KIAA0319L: variants seen among roughly 807,000 people sequenced by gnomAD.
The protein encoded by KIAA0319L is KIAA0319 like.
A neutral mutation model predicts 120.1 loss-of-function variants in KIAA0319L; 55 were observed. That is an observed-to-expected ratio of 0.46 (90% confidence interval 0.37 to 0.57). The LOEUF (loss-of-function observed/expected upper bound fraction) is 0.57. Among genes scored for constraint, KIAA0319L ranks in the 20% least tolerant of loss-of-function variants. KIAA0319L has a pLI of 0.00. For synonymous variants in KIAA0319L, 398 were observed against 471.9 expected (o/e 0.84, Z 2.03); for missense variants, 1,049 against 1,255.3 (o/e 0.84, Z 2.48).
rs145819547 is a variant in KIAA0319L, at chr1:35,497,221, T to C, written c.666+9391A>G. On this transcript the variant is annotated intron_variant, in intron 3 of 20. Coordinates refer to ENST00000325722, the MANE Select transcript of KIAA0319L (RefSeq NM_024874.5). Reference sequence around the variant, plus strand: ...GGGTGATAGAAATGTTATCAAACTGTACGGCAGGAAAAAGACAAAAAAAAA... The same window carrying C: ...GGGTGATAGAAATGTTATCAAACTGCACGGCAGGAAAAAGACAAAAAAAAA... Among the ~76,000 whole-genome samples, 357 of 149,844 alleles carry C rather than the reference T, an allele frequency of 2.4e-3. 3 individuals carry two copies. Among genetic ancestry groups the C allele is most frequent in the Non-Finnish European group, 1.3e-3 (89 of 67,786 alleles).
At chr1:35,511,024 C>T (rs1257184395) in intron 2 of KIAA0319L, 1 of 152,104 alleles carries the variant, frequency 6.6e-6, no homozygotes, top group East Asian at 1.9e-4. Context: ...GTAATAAATA[C>T]AGAAAAGCCT....
chr1:35,469,987 G>A (rs535803555), intron 6 of KIAA0319L, among the ~76,000 whole-genome samples: 24 of 151,782 alleles, frequency 1.6e-4, no homozygotes, highest in Admixed American at 9.2e-4. Context: ...TCCCACCTCC[G>A]CCTCCTGACC....
intron 2 of KIAA0319L, among the ~76,000 whole-genome samples, chr1:35,552,925 T>A (rs960374798): frequency 1.8e-4 from 27 of 151,780 alleles, no homozygotes; most frequent in Non-Finnish European, 3.5e-4. Flanking sequence ...ATAAAAAGGA[T>A]AAAATATAAA....
At chr1:35,479,548 C>T (rs1198611380) in intron 3 of KIAA0319L, among the ~76,000 whole-genome samples, 1 of 152,050 alleles carries the variant, frequency 6.6e-6, no homozygotes, top group Admixed American at 6.6e-5. Flanking sequence ...ACAAAATAGC[C>T]CTTGTGGATC....
chr1:35,481,740 A>C (rs1349895724), intron 3 of KIAA0319L, among the ~76,000 whole-genome samples: 1 of 149,916 alleles, frequency 6.7e-6, no homozygotes, highest in Non-Finnish European at 1.5e-5. Flanking sequence ...ATGCATATCC[A>C]TCACTTCCAA....
chr1:35,451,646 T>G lies in KIAA0319L; in HGVS notation c.2044A>C (p.Asn682His), dbSNP rs541700984. 4.3e-6 allele frequency: 7 copies of G among 1,614,110 alleles called. No homozygotes were observed. The African/African-American group carries it at 9.3e-5, about 22-fold the overall frequency. ...GAGGTACCTTCTTTGACAATGACATTCACAGAGCTCTGGCTTTGCAGGTTC... is the reference window on the plus strand; with the variant it reads ...GAGGTACCTTCTTTGACAATGACATGCACAGAGCTCTGGCTTTGCAGGTTC... ...ERNLQSQSSV[N>H]VIVKEEINKP... The change falls in exon 13 of 21, where the codon AAT (asparagine) becomes CAT (histidine). Residue 682 changes from asparagine (N) to histidine (H), a missense_variant. Coordinates refer to ENST00000325722, the MANE Select transcript of KIAA0319L (RefSeq NM_024874.5).
chr1:35,496,434 TA>T (rs1363560460), intron 3 of KIAA0319L, among the ~76,000 whole-genome samples: 1 of 151,874 alleles, frequency 6.6e-6, no homozygotes, highest in Non-Finnish European at 1.5e-5. Flanking sequence ...AAATAAAAAA[TA>T]AAATAAAACA....
intron 2 of KIAA0319L, among the ~76,000 whole-genome samples, chr1:35,544,974 C>T (rs532967424): frequency 6.6e-6 from 1 of 152,082 alleles, no homozygotes; most frequent in South Asian, 2.1e-4. Flanking sequence ...GGAACCCAAA[C>T]AGAACACATG....
chr1:35,551,996 A>C (rs1371619222), intron 2 of KIAA0319L, among the ~76,000 whole-genome samples: 1 of 151,910 alleles, frequency 6.6e-6, no homozygotes, highest in Non-Finnish European at 1.5e-5. Context: ...TTCATCCTCT[A>C]TACTTTGAAT....
chr1:35,484,897 T>C (rs1311269810), intron 3 of KIAA0319L, among the ~76,000 whole-genome samples: 1 of 148,578 alleles, frequency 6.7e-6, no homozygotes, highest in African/African-American at 2.5e-5. Flanking sequence ...GCTGGTGCGC[T>C]GCACCCACTA....
Position 35,531,752 on chromosome 1 carries a change from A to G in KIAA0319L, c.142+22598T>C, listed in dbSNP as rs1379519433. Among the ~76,000 whole-genome samples the G allele has an allele frequency of 3.3e-5, 5 of 152,162 alleles. 1 individual carries two copies. The East Asian group carries it at 9.6e-4, about 29-fold the overall frequency. ...TATCCACCTCGCTTCCCTCTCCCTC[A>G]GTGCCTCATGTGTTTTCTGTCACTT... On this transcript the variant is annotated intron_variant, in intron 2 of 20. Coordinates refer to ENST00000325722, the MANE Select transcript of KIAA0319L (RefSeq NM_024874.5).
intron 4 of KIAA0319L, 27 bp from the exon 5 acceptor site, chr1:35,474,933 A>G (rs762041238): frequency 2.4e-6 from 3 of 1,242,658 alleles, no homozygotes; most frequent in Admixed American, 1.7e-5. Context: ...TATACCAGAG[A>G]TAAGAAATAG....
chr1:35,527,896 A>C (rs1325400778), intron 2 of KIAA0319L, among the ~76,000 whole-genome samples: 1 of 122,890 alleles, frequency 8.1e-6, no homozygotes, highest in Non-Finnish European at 1.7e-5. Context: ...GATCTTCATT[A>C]TTTCCTTCCT....
chr1:35,457,257 G>T (rs1642539936), intron 9 of KIAA0319L, among the ~76,000 whole-genome samples: 1 of 152,062 alleles, frequency 6.6e-6, no homozygotes, highest in Non-Finnish European at 1.5e-5. Flanking sequence ...TTAAGAAGAG[G>T]TAATTCTTAG....
chr1:35,508,315 A>G (rs377548084), intron 2 of KIAA0319L, among the ~76,000 whole-genome samples: 10 of 152,242 alleles, frequency 6.6e-5, no homozygotes, highest in African/African-American at 2.4e-4. Context: ...AAAATATGCA[A>G]TAGAATCAAA....
rs1457736457 is a variant in KIAA0319L, at chr1:35,454,373, A to G, written c.1769T>C (p.Ile590Thr). ...AGGCTGGAGCTTACCAGGTTGCACA[A>G]TAACAGTCACTTGAGCAGTGGCCTG... is the stretch of plus-strand genomic sequence containing the variant. ...GQQATAQVTV[I>T]VQPENNKPPQ... The change falls in exon 11 of 21, where the codon ATT (isoleucine) becomes ACT (threonine). Residue 590 changes from isoleucine (I) to threonine (T), a missense_variant. Ile to Thr is a moderately conservative substitution (Grantham distance 89). Transcript: ENST00000325722. 1 of 1,614,010 alleles carries G rather than the reference A, an allele frequency of 6.2e-7. No individual in the cohort carries two copies. The highest frequency in any genetic ancestry group is 8.5e-7 in the Non-Finnish European group (1 of 1,179,886).
chr1:35,478,132 G>A (rs958113207), intron 4 of KIAA0319L, among the ~76,000 whole-genome samples: 2 of 152,172 alleles, frequency 1.3e-5, no homozygotes, highest in African/African-American at 4.8e-5. Context: ...ATTATGTTAG[G>A]TGAATAAGCC....
At chr1:35,440,284 C>G (rs1202081286) in intron 20 of KIAA0319L, 1 of 152,170 alleles carries the variant, frequency 6.6e-6, no homozygotes, top group Non-Finnish European at 1.5e-5. Flanking sequence ...CTGATGACTC[C>G]CTATACCCCC....
intron 18 of KIAA0319L, 28 bp downstream of exon 18, chr1:35,442,878 C>T (rs1641330151): frequency 6.2e-7 from 1 of 1,613,914 alleles, no homozygotes; most frequent in South Asian, 1.1e-5. Context: ...GCCAAACAGG[C>T]TGGCACTGTG....
Sources: gnomAD v4.1 joint callset for allele counts (sites outside exome capture counted in the v4.1 genomes callset) on GRCh38, gnomAD v4.1.1 for gene constraint, MANE v1.5 for transcripts, NCBI Gene and HGNC (gene_info 2026-07-23, HGNC 2026-07-21) for gene names.